ESRRG: variants seen among roughly 807,000 people sequenced by gnomAD.
The protein encoded by ESRRG is estrogen-related receptor gamma.
Under a neutral mutation model 44.0 loss-of-function variants are expected in ESRRG, and 13 were observed. The ratio of observed to expected loss-of-function variants is 0.30; its 90% CI spans 0.19 to 0.47. The LOEUF (loss-of-function observed/expected upper bound fraction) is 0.47. ESRRG is among the 20% of genes least tolerant of loss of function. The pLI is 1.00. For synonymous variants in ESRRG, 215 were observed against 214.6 expected (o/e 1.00, Z -0.02); for missense variants, 395 against 580.6 (o/e 0.68, Z 3.29).
chr1:217,105,662 G>A (rs983754543), intron 1 of ESRRG, among the ~76,000 whole-genome samples: 2 of 152,064 alleles, frequency 1.3e-5, no homozygotes, highest in African/African-American at 4.8e-5. Context: ...CTGTAGGAGC[G>A]CCTGCCTGTC....
rs527699069 is a variant in ESRRG, at chr1:216,891,911, T to C, written c.-14+47671A>G. On this transcript the variant is annotated intron_variant, in intron 2 of 7. Coordinates refer to the ESRRG transcript ENST00000359162. ...ACCTCCTGGGTTCAAGCAATTCTCC[T>C]GCCTTAGCCACCCGAGTAGCTGGGA... 7.9e-4 allele frequency among the ~76,000 whole-genome samples: 119 copies of C among 149,862 alleles called. 1 individual carries two copies. Among genetic ancestry groups the C allele is most frequent in the African/African-American group, 2.8e-3 (116 of 40,762 alleles).
At chr1:216,782,380 T>C (rs956130231) in intron 2 of ESRRG, among the ~76,000 whole-genome samples, 1 of 152,030 alleles carries the variant, frequency 6.6e-6, no homozygotes, top group African/African-American at 2.4e-5. Context: ...TGTCTTTCCC[T>C]GTATATATTA....
chr1:216,936,085 AGTCAC>A (rs2064105831), intron 2 of ESRRG, among the ~76,000 whole-genome samples: 1 of 152,108 alleles, frequency 6.6e-6, no homozygotes. Flanking sequence ...GCCCTCCAAA[AGTCAC>A]CTCAATAGAA....
chr1:217,044,073 C>A (rs1485642118), intron 1 of ESRRG, among the ~76,000 whole-genome samples: 1 of 152,132 alleles, frequency 6.6e-6, no homozygotes, highest in Non-Finnish European at 1.5e-5. Flanking sequence ...TCTCAAGACC[C>A]AGTCAATTAT....
chr1:216,890,684 C>T (rs2149395428), intron 2 of ESRRG, among the ~76,000 whole-genome samples: 1 of 152,308 alleles, frequency 6.6e-6, no homozygotes, highest in South Asian at 2.1e-4. Flanking sequence ...TGAAAGTGTT[C>T]TCCATTGCCT....
At chr1:216,559,897 A>G (rs1572970275) in intron 5 of ESRRG, among the ~76,000 whole-genome samples, 1 of 152,312 alleles carries the variant, frequency 6.6e-6, no homozygotes, top group East Asian at 1.9e-4. Context: ...ATTCTTTTCC[A>G]AAGTTTATAC....
chr1:217,092,639 T>A (rs115757888), upstream of ESRRG, among the ~76,000 whole-genome samples: 3,070 of 152,312 alleles, frequency 0.02, 113 homozygotes, highest in African/African-American at 0.071. Context: ...ATACACTCTG[T>A]TGACTCACAC....
chr1:216,908,974 G>T (rs543419705), intron 2 of ESRRG, among the ~76,000 whole-genome samples: 1 of 151,994 alleles, frequency 6.6e-6, no homozygotes, highest in Non-Finnish European at 1.5e-5. Flanking sequence ...ATAAAGAGGG[G>T]ATTAAAAATT....
intron 2 of ESRRG, among the ~76,000 whole-genome samples, chr1:216,768,508 G>T (rs1489872134): frequency 2.1e-5 from 2 of 94,280 alleles, no homozygotes; most frequent in African/African-American, 4.3e-5. Flanking sequence ...CTATATTTTA[G>T]AGGCAGGATC....
chr1:216,796,926 C>G (rs2094484971), intron 2 of ESRRG, among the ~76,000 whole-genome samples: 2 of 152,124 alleles, frequency 1.3e-5, no homozygotes, highest in South Asian at 2.1e-4. Flanking sequence ...CAGTCTCACC[C>G]TGTTGCCCAG....
chr1:216,531,307 G>A (rs2049296254), intron 5 of ESRRG, among the ~76,000 whole-genome samples: 1 of 152,118 alleles, frequency 6.6e-6, no homozygotes, highest in Non-Finnish European at 1.5e-5. Flanking sequence ...TTCTAGCTCT[G>A]AGAGTTCGGT....
intron 1 of ESRRG, among the ~76,000 whole-genome samples, chr1:217,064,929 A>G (rs2089362844): frequency 6.6e-6 from 1 of 152,160 alleles, no homozygotes; most frequent in Non-Finnish European, 1.5e-5. Flanking sequence ...TTAATGAGGA[A>G]GGAGTAGGGA....
At chr1:216,803,114 C>A (rs571830151) in intron 2 of ESRRG, among the ~76,000 whole-genome samples, 1 of 152,156 alleles carries the variant, frequency 6.6e-6, no homozygotes, top group East Asian at 1.9e-4. Context: ...AATGACATTA[C>A]CCCACAGTGT....
intron 2 of ESRRG, among the ~76,000 whole-genome samples, chr1:216,776,750 C>A (rs2093630712): frequency 2.0e-5 from 3 of 151,974 alleles, no homozygotes; most frequent in Admixed American, 6.6e-5. Flanking sequence ...TCACAAGAGA[C>A]AAGGACTAAT....
intron 1 of ESRRG, among the ~76,000 whole-genome samples, chr1:217,085,480 C>CTTTTTTTTTTTTT (rs2092021463): frequency 1.5e-5 from 1 of 66,344 alleles, no homozygotes; most frequent in African/African-American, 6.0e-5. Context: ...CTTTTCTTTT[C>CTTTTTTTTTTTTT]ATTTTTTTTT....
chr1:216,898,113 G>GA (rs1443792330), intron 2 of ESRRG, among the ~76,000 whole-genome samples: 5 of 152,178 alleles, frequency 3.3e-5, no homozygotes, highest in South Asian at 2.1e-4. Context: ...AGTGCAGGGG[G>GA]AAAAAATCAG....
intron 1 of ESRRG, among the ~76,000 whole-genome samples, chr1:216,998,796 C>A (rs1434434358): frequency 1.3e-5 from 2 of 152,320 alleles, no homozygotes; most frequent in Non-Finnish European, 1.5e-5. Context: ...ATTTATAACA[C>A]ATTTCAACAA....
chr1:216,600,191 G>A (rs1429896200), intron 3 of ESRRG, among the ~76,000 whole-genome samples: 1 of 152,172 alleles, frequency 6.6e-6, no homozygotes, highest in African/African-American at 2.4e-5. Flanking sequence ...TTGGGGAAGG[G>A]AAGGGTGACT....
intron 2 of ESRRG, among the ~76,000 whole-genome samples, chr1:216,659,480 T>C (rs901038212): frequency 2.0e-4 from 31 of 152,198 alleles, no homozygotes; most frequent in African/African-American, 7.0e-4. Flanking sequence ...TGCCTATCGC[T>C]GGGTATGATC....
Sources: allele counts gnomAD v4.1 joint callset (sites outside exome capture counted in the v4.1 genomes callset), GRCh38; gene constraint gnomAD v4.1.1; transcripts MANE v1.5; gene names NCBI Gene and HGNC (gene_info 2026-07-23, HGNC 2026-07-21).